Variants in ZNRF3 observed in about 807,000 individuals in gnomAD.
ZNRF3 encodes the protein E3 ubiquitin-protein ligase ZNRF3.
Under a neutral mutation model 72.5 loss-of-function variants are expected in ZNRF3, and 23 were observed. The ratio of observed to expected loss-of-function variants is 0.32; its 90% confidence interval spans 0.23 to 0.45. The LOEUF (loss-of-function observed/expected upper bound fraction) is 0.45, where lower values mean the gene tolerates loss of function less well. ZNRF3 is among the 20% of genes least tolerant of loss of function. The probability of loss-of-function intolerance (pLI) is 1.00; values close to 1 mark genes in which losing one functional copy is unlikely to be tolerated. For synonymous variants in ZNRF3, 610 were observed against 545.3 expected (o/e 1.12, Z -1.65); for missense variants, 1,169 against 1,272.1 (o/e 0.92, Z 1.23).
rs189298535 is a variant in ZNRF3, at chr22:28,994,243, A to G, written c.426+7042A>G. Reference sequence around the variant, plus strand: ...CTCTTGTTGCCCAGGCTGGAGTGCAATAGTGTGATCTTGGCTCACTGCAAC... The same window carrying G: ...CTCTTGTTGCCCAGGCTGGAGTGCAGTAGTGTGATCTTGGCTCACTGCAAC... On this transcript the variant is annotated intron_variant, in intron 2 of 8. Transcript: ENST00000544604. 3.1e-4 allele frequency among the ~76,000 whole-genome samples: 39 copies of G among 126,034 alleles called. 1 individual carries two copies. The Admixed American group carries it at 3.5e-3, about 11-fold the overall frequency. 82.7% of individuals were successfully genotyped at this position (126,034 alleles called of 152,430 possible).
intron 1 of ZNRF3, among the ~76,000 whole-genome samples, chr22:28,891,632 T>C (rs2033889308): frequency 6.6e-6 from 1 of 152,264 alleles, no homozygotes; most frequent in African/African-American, 2.4e-5. Flanking sequence ...AATCCTGGTC[T>C]GTCTGATTCT....
chr22:28,977,890 G>C (rs1024567657), intron 1 of ZNRF3, among the ~76,000 whole-genome samples: 3 of 152,324 alleles, frequency 2.0e-5, no homozygotes, highest in African/African-American at 7.2e-5. Flanking sequence ...GCTTCTTAAA[G>C]AGCTGGTCTT....
intron 1 of ZNRF3, among the ~76,000 whole-genome samples, chr22:28,933,550 C>T (rs999276104): frequency 1.3e-5 from 2 of 152,120 alleles, no homozygotes; most frequent in Non-Finnish European, 2.9e-5. Context: ...CATTTTCTGG[C>T]AGTGGAGCTT....
In ZNRF3 at chr22:28,897,682, C is replaced by T. The variant is rs150911270; in HGVS notation, c.300+13616C>T. 2.0e-3 allele frequency among the ~76,000 whole-genome samples: 305 copies of T among 152,276 alleles called. 2 individuals are homozygous for T. Among genetic ancestry groups the T allele is most frequent in the African/African-American group, 6.9e-3 (285 of 41,554 alleles). The stretch of plus-strand genomic sequence containing the variant: ...TCTTCACCTCCACATTTTCAACTCC[C>T]GTCTTTGCTTTCCACTGTCTTTTTC... On this transcript the variant is annotated intron_variant, in intron 1 of 8. Transcript: ENST00000544604.
chr22:28,907,586 A>G (rs1437870637), intron 1 of ZNRF3, among the ~76,000 whole-genome samples: 3 of 152,082 alleles, frequency 2.0e-5, no homozygotes, highest in Non-Finnish European at 4.4e-5. Flanking sequence ...TTTTGCTTTC[A>G]TTTGGTTTTC....
At chr22:28,954,895 G>A (rs78312992) in intron 1 of ZNRF3, among the ~76,000 whole-genome samples, 1,855 of 152,184 alleles carry the variant, frequency 0.012, 37 homozygotes, top group African/African-American at 0.043. Context: ...GATTACAGGC[G>A]TGAGCCACCA....
intron 2 of ZNRF3, among the ~76,000 whole-genome samples, chr22:28,993,272 G>A (rs760792529): frequency 2.6e-4 from 40 of 152,190 alleles, no homozygotes; most frequent in Non-Finnish European, 7.3e-5. Flanking sequence ...GCTCAAGCCC[G>A]GAAATTACTG....
At chr22:28,994,364 A>T (rs1168978868) in intron 2 of ZNRF3, among the ~76,000 whole-genome samples, 1 of 150,248 alleles carries the variant, frequency 6.7e-6, no homozygotes, top group African/African-American at 2.4e-5. Flanking sequence ...TTTATTTTAT[A>T]TTTTTTATTT....
At chr22:28,885,067 T>C (rs2033752945) in intron 1 of ZNRF3, among the ~76,000 whole-genome samples, 1 of 152,210 alleles carries the variant, frequency 6.6e-6, no homozygotes. Flanking sequence ...TGATCGGATG[T>C]CTGCAGGGCC....
intron 2 of ZNRF3, among the ~76,000 whole-genome samples, chr22:29,007,004 G>A (rs2036262709): frequency 6.6e-6 from 1 of 152,240 alleles, no homozygotes; most frequent in Admixed American, 6.5e-5. Context: ...TGTCATGATT[G>A]CATTCCTACT....
intron 1 of ZNRF3, among the ~76,000 whole-genome samples, chr22:28,940,955 C>G (rs1408765821): frequency 1.3e-5 from 2 of 152,184 alleles, no homozygotes; most frequent in African/African-American, 4.8e-5. Flanking sequence ...TGATCACCCT[C>G]CTGATTCCCT....
intron 2 of ZNRF3, chr22:29,018,748 A>G (rs2036480212): frequency 6.6e-6 from 1 of 152,338 alleles, no homozygotes; most frequent in African/African-American, 2.4e-5. Context: ...ACAGGTTGGT[A>G]GAGTAGCAAT....
rs534593834 is a variant in ZNRF3, at chr22:28,951,599, A to T, written c.301-35477A>T. ...TTCTAGTCTCAACTGCAAGATGACA[A>T]ATTTCTTTTTTACCCAGTTTATGGT... is the stretch of plus-strand genomic sequence containing the variant. On this transcript the variant is annotated intron_variant, in intron 1 of 8. Coordinates refer to ENST00000544604, the MANE Select transcript of ZNRF3 (RefSeq NM_001206998.2). Among the ~76,000 whole-genome samples the T allele has an allele frequency of 1.1e-4, 16 of 152,270 alleles. No individual in the cohort carries two copies. In the South Asian group the frequency reaches 3.1e-3, roughly 30 times the overall value.
intron 2 of ZNRF3, among the ~76,000 whole-genome samples, chr22:29,014,541 C>G (rs1183801207): frequency 2.0e-5 from 3 of 152,212 alleles, no homozygotes; most frequent in Non-Finnish European, 4.4e-5. Flanking sequence ...AGCCTCCTAG[C>G]TGCACTTAAA....
chr22:29,042,793 G>A (rs1240451187), intron 3 of ZNRF3, among the ~76,000 whole-genome samples: 4 of 151,992 alleles, frequency 2.6e-5, no homozygotes, highest in South Asian at 2.1e-4. Flanking sequence ...TTTTTCCCCC[G>A]AGATGGAGTC....
At chr22:28,890,117 G>A (rs192401503) in intron 1 of ZNRF3, among the ~76,000 whole-genome samples, 65 of 152,214 alleles carry the variant, frequency 4.3e-4, no homozygotes, top group African/African-American at 1.5e-3. Flanking sequence ...CTTCCTTTTT[G>A]ATTGTTATTT....
At chr22:28,974,482 C>A (rs946768071) in intron 1 of ZNRF3, among the ~76,000 whole-genome samples, 2 of 152,142 alleles carry the variant, frequency 1.3e-5, no homozygotes, top group African/African-American at 4.8e-5. Context: ...ATCACTGTTC[C>A]TTGCCTGGTG....
At chr22:29,041,942 A>G (rs1185787719) in intron 2 of ZNRF3, among the ~76,000 whole-genome samples, 1 of 152,210 alleles carries the variant, frequency 6.6e-6, no homozygotes, top group African/African-American at 2.4e-5. Context: ...AACAGGAAAT[A>G]CTGAAACCAA....
rs1435935683 is a variant in ZNRF3, at chr22:28,900,476, G to A, written c.300+16410G>A. ...GCAGTAAAATGTCTGGAAGGGAATT[G>A]ATCAAGTCTGGTAAGCCAGATCAGA... On this transcript the variant is annotated intron_variant, in intron 1 of 8. Transcript: ENST00000544604. Among the ~76,000 whole-genome samples the A allele has an allele frequency of 2.0e-5, 3 of 152,212 alleles. No homozygotes were observed. In the East Asian group the frequency reaches 5.8e-4, roughly 29 times the overall value.
Sources: gnomAD v4.1 joint callset for allele counts (sites outside exome capture counted in the v4.1 genomes callset) on GRCh38, gnomAD v4.1.1 for gene constraint, MANE v1.5 for transcripts, NCBI Gene and HGNC (gene_info 2026-07-23, HGNC 2026-07-21) for gene names.